MAP2K5: variants seen among roughly 807,000 people sequenced by gnomAD.
MAP2K5 encodes mitogen-activated protein kinase kinase 5.
Under a neutral mutation model 83.1 loss-of-function variants are expected in MAP2K5, and 49 were observed. That is an observed-to-expected ratio of 0.59 (90% CI 0.47 to 0.75). The LOEUF is 0.75. MAP2K5 is among the 30% of genes least tolerant of loss of function. MAP2K5 has a pLI of 0.00. For synonymous variants in MAP2K5, 202 were observed against 191.8 expected (o/e 1.05, Z -0.44); for missense variants, 457 against 557.5 (o/e 0.82, Z 1.82).
intron 17 of MAP2K5, among the ~76,000 whole-genome samples, chr15:67,729,048 T>C (rs978076036): frequency 2.6e-5 from 4 of 152,188 alleles, no homozygotes; most frequent in African/African-American, 9.6e-5. Flanking sequence ...CTTTTCAAAT[T>C]CATAGACTTT....
chr15:67,683,772 AAAAC>A (rs1304575570), intron 13 of MAP2K5, among the ~76,000 whole-genome samples: 8 of 152,202 alleles, frequency 5.3e-5, no homozygotes, highest in African/African-American at 9.7e-5. Flanking sequence ...AAAACAAAAC[AAAAC>A]AAACAAACAA....
intron 8 of MAP2K5, among the ~76,000 whole-genome samples, chr15:67,607,169 C>A (rs2085795811): frequency 6.6e-6 from 1 of 152,136 alleles, no homozygotes; most frequent in South Asian, 2.1e-4. Context: ...CTTTTCCTTG[C>A]AGCCAAGATC....
chr15:67,770,715 T>G lies in MAP2K5; in HGVS notation c.1196+1052T>G, dbSNP rs1173447884. On this transcript the variant is annotated intron_variant, in intron 20 of 21. Coordinates refer to ENST00000178640, the MANE Select transcript of MAP2K5 (RefSeq NM_145160.3). The surrounding 1 kb of genome is among the most constrained non-coding windows in gnomAD (Gnocchi z 5.0). ...ATCCCCTTCCCCTCCCACTATGATC[T>G]GTCCGATGATTATGCTAAAGGGAAA... Among the ~76,000 whole-genome samples, 1 of 152,192 alleles carries G rather than the reference T, an allele frequency of 6.6e-6. No individual in the cohort carries two copies. Among genetic ancestry groups the G allele is most frequent in the Non-Finnish European group, 1.5e-5 (1 of 68,022 alleles).
intron 15 of MAP2K5, among the ~76,000 whole-genome samples, chr15:67,696,970 A>G (rs754606328): frequency 2.0e-5 from 3 of 152,170 alleles, no homozygotes; most frequent in Non-Finnish European, 4.4e-5. Context: ...CAAGAGTGAA[A>G]CTCAGTCTCA....
chr15:67,753,524 G>T (rs1021181097), intron 19 of MAP2K5, among the ~76,000 whole-genome samples: 1 of 152,134 alleles, frequency 6.6e-6, no homozygotes, highest in African/African-American at 2.4e-5. Context: ...ATTTAAAAAT[G>T]GGGAGAGGAT....
At chr15:67,742,641 C>A (rs539302619) in intron 17 of MAP2K5, among the ~76,000 whole-genome samples, 2 of 152,202 alleles carry the variant, frequency 1.3e-5, no homozygotes, top group Admixed American at 1.3e-4. Context: ...CTAAAATCTT[C>A]AAAACTTAGG....
rs768176209 is a variant in MAP2K5 at position 67,573,619 on chromosome 15, C to T, written c.253-7135C>T. 6.6e-6 allele frequency among the ~76,000 whole-genome samples: 1 copy of T among 152,066 alleles called. No homozygotes were observed. The highest frequency in any genetic ancestry group is 1.5e-5 in the Non-Finnish European group (1 of 68,012). ...GAAGCTGGGTAAAATGAGGCTGCGACCTGCTGGGCCGCAGCCCCAGGAAGT... is the reference window on the plus strand; with the variant it reads ...GAAGCTGGGTAAAATGAGGCTGCGATCTGCTGGGCCGCAGCCCCAGGAAGT... On this transcript the variant is annotated intron_variant, in intron 3 of 21. Coordinates refer to ENST00000178640, the MANE Select transcript of MAP2K5 (RefSeq NM_145160.3). The surrounding 1 kb of genome is among the most constrained non-coding windows in gnomAD (Gnocchi z 4.2).
intron 20 of MAP2K5, among the ~76,000 whole-genome samples, chr15:67,771,860 T>G (rs571979986): frequency 6.6e-6 from 1 of 152,316 alleles, no homozygotes; most frequent in Admixed American, 6.5e-5. Flanking sequence ...GTGTGATTTT[T>G]CCAAGTGATA....
intron 17 of MAP2K5, among the ~76,000 whole-genome samples, chr15:67,741,123 T>G (rs2089483098): frequency 6.6e-6 from 1 of 151,764 alleles, no homozygotes; most frequent in Non-Finnish European, 1.5e-5. Flanking sequence ...TCTAAGCCCG[T>G]CAATCCGAGG....
chr15:67,601,994 T>C (rs2085668596), intron 8 of MAP2K5, among the ~76,000 whole-genome samples: 2 of 152,250 alleles, frequency 1.3e-5, no homozygotes, highest in South Asian at 4.1e-4. Flanking sequence ...AAAATGAAGT[T>C]CTTCCACTAT....
chr15:67,628,889 G>A, intron 8 of MAP2K5: 1 of 749,750 alleles, frequency 1.3e-6, no homozygotes, highest in South Asian at 1.3e-5. Flanking sequence ...TGGCGGCAGT[G>A]GGGATGGATG....
intron 7 of MAP2K5, among the ~76,000 whole-genome samples, chr15:67,593,510 C>A (rs1002668034): frequency 6.6e-5 from 10 of 152,166 alleles, no homozygotes; most frequent in African/African-American, 2.4e-4. Context: ...AGCCTTCAGG[C>A]CAGTTATTTC....
At chr15:67,762,996 G>A (rs2089978306) in intron 19 of MAP2K5, among the ~76,000 whole-genome samples, 2 of 152,126 alleles carry the variant, frequency 1.3e-5, no homozygotes, top group African/African-American at 4.8e-5. Context: ...GTCACGCCTG[G>A]CAGCCCAGAG....
At chr15:67,571,038 T>C (rs957788551) in intron 3 of MAP2K5, among the ~76,000 whole-genome samples, 14 of 152,210 alleles carry the variant, frequency 9.2e-5, no homozygotes, top group Non-Finnish European at 7.3e-5. Flanking sequence ...GCTGAATAAG[T>C]TGGAAGGTAT....
chr15:67,589,072 T>C (rs2085345210), intron 6 of MAP2K5, among the ~76,000 whole-genome samples: 1 of 152,128 alleles, frequency 6.6e-6, no homozygotes, highest in African/African-American at 2.4e-5. Flanking sequence ...CTCAAACTCC[T>C]GGCTCAAGCA....
intron 13 of MAP2K5, among the ~76,000 whole-genome samples, chr15:67,687,084 A>T (rs1249477958): frequency 6.6e-6 from 1 of 152,242 alleles, no homozygotes; most frequent in Admixed American, 6.5e-5. Flanking sequence ...ATCAAACTAC[A>T]TTCAAAATGG....
intron 2 of MAP2K5, among the ~76,000 whole-genome samples, chr15:67,556,676 C>G (rs536383954): frequency 3.6e-4 from 55 of 151,758 alleles, no homozygotes; most frequent in African/African-American, 1.2e-3. Context: ...CTCAGCCTCC[C>G]TAGTAGCTGG....
rs1215848045 is a variant in MAP2K5 at position 67,636,200 on chromosome 15, C to T, written c.585+5273C>T. On this transcript the variant is annotated intron_variant, in intron 9 of 21. Transcript: ENST00000178640. This position sits in a 1 kb window ranked among gnomAD's most constrained non-coding sequence, Gnocchi z 4.7. Reference sequence around the variant, plus strand: ...GGCTGAGGTGGGCGGATCATGAGGTCAGGAGATCGAGACCATCCTAACACG... The same window carrying T: ...GGCTGAGGTGGGCGGATCATGAGGTTAGGAGATCGAGACCATCCTAACACG... 1.3e-5 allele frequency among the ~76,000 whole-genome samples: 2 copies of T among 152,152 alleles called. No homozygotes were observed. The highest frequency in any genetic ancestry group is 2.9e-5 in the Non-Finnish European group (2 of 68,038).
At chr15:67,675,033 T>TA (rs1376926609) in intron 13 of MAP2K5, among the ~76,000 whole-genome samples, 2 of 151,838 alleles carry the variant, frequency 1.3e-5, no homozygotes, top group Middle Eastern at 3.4e-3. Context: ...TGCTGACATT[T>TA]AAAAAAAAGA....
Sources: allele counts gnomAD v4.1 joint callset (sites outside exome capture counted in the v4.1 genomes callset), GRCh38; gene constraint gnomAD v4.1.1; non-coding constraint Gnocchi (gnomAD v3.1); transcripts MANE v1.5; gene names NCBI Gene and HGNC (gene_info 2026-07-23, HGNC 2026-07-21).